RBFOX1: variants seen among roughly 807,000 people sequenced by gnomAD.
The protein encoded by RBFOX1 is RNA binding protein fox-1 homolog 1.
A neutral mutation model predicts 57.7 loss-of-function variants in RBFOX1; 8 were observed. The observed-to-expected ratio is 0.14, with a 90% CI of 0.08 to 0.25. RBFOX1 has a LOEUF of 0.25. Ranked by LOEUF, RBFOX1 falls within the 10% of genes least tolerant of loss-of-function variation. The pLI is 1.00. For missense variants in RBFOX1, 611 were observed against 548.5 expected (o/e 1.11, Z -1.14); for synonymous variants, 326 against 222.4 (o/e 1.47, Z -4.15).
At chr16:6,051,874 C>A (rs953523995) in intron 1 of RBFOX1, among the ~76,000 whole-genome samples, 4 of 152,084 alleles carry the variant, frequency 2.6e-5, no homozygotes, top group Non-Finnish European at 5.9e-5. Flanking sequence ...AGCAAGTTTT[C>A]TTTTATTTAT....
chr16:7,411,433 C>T (rs956855254), intron 4 of RBFOX1, among the ~76,000 whole-genome samples: 1 of 152,140 alleles, frequency 6.6e-6, no homozygotes, highest in Non-Finnish European at 1.5e-5. Context: ...GGAGACAGGG[C>T]CCTAACAGAC....
intron 3 of RBFOX1, among the ~76,000 whole-genome samples, chr16:6,693,855 A>G (rs1173932274): frequency 1.3e-5 from 2 of 152,190 alleles, no homozygotes; most frequent in East Asian, 3.8e-4. Flanking sequence ...TTATTCAGCA[A>G]TTCTTTAGTG....
rs941576693 is a variant in RBFOX1 at position 6,366,137 on chromosome 16, A to G, written c.-64+49080A>G. ...TGTGTGTGTGTGTCTGCCTGCCTGT[A>G]TCTATGTCTGTATCTAGAAAATATA... On this transcript the variant is annotated intron_variant, in intron 2 of 15. Coordinates refer to ENST00000550418, the MANE Select transcript of RBFOX1 (RefSeq NM_018723.4). 1.2e-4 allele frequency among the ~76,000 whole-genome samples: 18 copies of G among 149,494 alleles called. No individual in the cohort carries two copies. The East Asian group carries it at 3.4e-3, about 28-fold the overall frequency.
In RBFOX1 at chr16:7,176,937, A is replaced by G. The variant is rs148270511; in HGVS notation, c.27+124839A>G. 3.0e-3 allele frequency among the ~76,000 whole-genome samples: 463 copies of G among 152,300 alleles called. 3 individuals are homozygous for G. The highest frequency in any genetic ancestry group is 0.01 in the African/African-American group (436 of 41,576). On this transcript the variant is annotated intron_variant, in intron 4 of 15. Transcript: ENST00000550418. ...TAAATGCCTCTAATCTCAGAATAGA[A>G]TTTTATAGTATCGCTTTAGTAATTC...
At chr16:7,468,628 G>T (rs2060968231) in intron 4 of RBFOX1, among the ~76,000 whole-genome samples, 1 of 152,114 alleles carries the variant, frequency 6.6e-6, no homozygotes, top group South Asian at 2.1e-4. Context: ...GGAATCTGGG[G>T]AACTTATGTG....
chr16:5,937,808 A>T (rs971482187), intron 4 of RBFOX1, among the ~76,000 whole-genome samples: 1 of 150,008 alleles, frequency 6.7e-6, no homozygotes, highest in African/African-American at 2.4e-5. Context: ...TATATAAATT[A>T]TACAAATATA....
chr16:5,917,832 A>G (rs115296932), intron 4 of RBFOX1, among the ~76,000 whole-genome samples: 193 of 152,298 alleles, frequency 1.3e-3, no homozygotes, highest in African/African-American at 4.3e-3. Flanking sequence ...TCTCTGTTTG[A>G]AATGACTTCC....
chr16:5,830,032 T>A (rs2056208637), intron 3 of RBFOX1, among the ~76,000 whole-genome samples: 1 of 152,232 alleles, frequency 6.6e-6, no homozygotes, highest in Admixed American at 6.5e-5. Flanking sequence ...CAAATAGCCA[T>A]GACATTTCCT....
At chr16:7,118,730 T>A (rs1440507801) in intron 4 of RBFOX1, among the ~76,000 whole-genome samples, 1 of 152,104 alleles carries the variant, frequency 6.6e-6, no homozygotes, top group Non-Finnish European at 1.5e-5. Flanking sequence ...GGGATCATGG[T>A]GAGAAGAATC....
At chr16:7,260,534 C>G (rs182293876) in intron 4 of RBFOX1, among the ~76,000 whole-genome samples, 1 of 152,118 alleles carries the variant, frequency 6.6e-6, no homozygotes, top group Non-Finnish European at 1.5e-5. Context: ...CTCCCTGGAC[C>G]TCCAAGGCTG....
intron 4 of RBFOX1, among the ~76,000 whole-genome samples, chr16:7,239,961 A>G (rs776731052): frequency 3.3e-5 from 5 of 152,108 alleles, no homozygotes; most frequent in Admixed American, 2.6e-4. Flanking sequence ...TGTTGAAACT[A>G]TAAGATGATG....
chr16:6,745,160 T>C (rs577409915), intron 3 of RBFOX1, among the ~76,000 whole-genome samples: 7 of 152,228 alleles, frequency 4.6e-5, no homozygotes, highest in East Asian at 1.9e-4. Context: ...TTTCCTGATA[T>C]ATATCAAATA....
At chr16:6,128,513 G>A (rs1335385360) in intron 1 of RBFOX1, among the ~76,000 whole-genome samples, 2 of 152,174 alleles carry the variant, frequency 1.3e-5, no homozygotes, top group Non-Finnish European at 2.9e-5. Flanking sequence ...TTTCTGTCCA[G>A]GAGCCCTTTT....
intron 3 of RBFOX1, among the ~76,000 whole-genome samples, chr16:5,830,487 G>C (rs1447233639): frequency 6.6e-6 from 1 of 152,044 alleles, no homozygotes; most frequent in African/African-American, 2.4e-5. Context: ...GGCCGGGACT[G>C]TGGGGGCTGA....
chr16:6,559,076 G>T (rs1258498173), intron 2 of RBFOX1, among the ~76,000 whole-genome samples: 2 of 151,832 alleles, frequency 1.3e-5, no homozygotes, highest in African/African-American at 2.4e-5. Context: ...TGGTCTCATA[G>T]TTCCTTGTAC....
chr16:6,168,220 ATTAGT>A (rs1369077425), intron 1 of RBFOX1, among the ~76,000 whole-genome samples: 2 of 152,202 alleles, frequency 1.3e-5, no homozygotes, highest in African/African-American at 4.8e-5. Flanking sequence ...CTCATAATCT[ATTAGT>A]TTAATCTGTT....
At chr16:6,351,366 A>ATTTTTT (rs1158685144) in intron 2 of RBFOX1, among the ~76,000 whole-genome samples, 1 of 99,036 alleles carries the variant, frequency 1.0e-5, no homozygotes, top group African/African-American at 4.9e-5. Flanking sequence ...ATATATATAT[A>ATTTTTT]TATATATTTT....
chr16:6,909,670 C>T (rs568549741), intron 3 of RBFOX1, among the ~76,000 whole-genome samples: 7 of 152,182 alleles, frequency 4.6e-5, no homozygotes, highest in Non-Finnish European at 1.0e-4. Flanking sequence ...ATAGAGAAGT[C>T]GGAATCCTAT....
intron 4 of RBFOX1, among the ~76,000 whole-genome samples, chr16:7,226,579 C>T (rs1046080898): frequency 6.6e-6 from 1 of 152,198 alleles, no homozygotes; most frequent in Non-Finnish European, 1.5e-5. Flanking sequence ...AAGGGGCCAA[C>T]ATCTGGGGGT....
Sources: gnomAD v4.1 joint callset for allele counts (sites outside exome capture counted in the v4.1 genomes callset) on GRCh38, gnomAD v4.1.1 for gene constraint, MANE v1.5 for transcripts, NCBI Gene and HGNC (gene_info 2026-07-23, HGNC 2026-07-21) for gene names.